The following MGAT4C variants were observed in gnomAD, a reference collection of about 807,000 sequenced individuals.
MGAT4C encodes the protein alpha-1,3-mannosyl-glycoprotein 4-beta-N-acetylglucosaminyltransferase C.
MGAT4C carries 19 observed loss-of-function variants against 40.1 expected under a neutral mutation model. That is an observed-to-expected ratio of 0.47 (90% CI 0.33 to 0.70). MGAT4C has a LOEUF of 0.70. Among genes scored for constraint, MGAT4C ranks in the 30% least tolerant of loss-of-function variants. MGAT4C has a pLI of 0.02. For missense variants in MGAT4C, 491 were observed against 563.2 expected, an observed-to-expected ratio of 0.87 and a Z score of 1.30; for synonymous variants, 181 against 187.1, an observed-to-expected ratio of 0.97 and a Z score of 0.27.
chr12:86,054,833 T>C (rs1051559760), intron 1 of MGAT4C, among the ~76,000 whole-genome samples: 1 of 151,912 alleles, frequency 6.6e-6, no homozygotes, highest in African/African-American at 2.4e-5. Context: ...CTCATTTGGA[T>C]GAAAATAATT....
chr12:86,780,952 C>T (rs1332015976), intron 1 of MGAT4C, among the ~76,000 whole-genome samples: 2 of 151,946 alleles, frequency 1.3e-5, no homozygotes, highest in Non-Finnish European at 2.9e-5. Context: ...AGGTAATGGC[C>T]TCCAATTCCA....
At position 86,207,254 on chromosome 12, in the gene MGAT4C, A is replaced by G. The variant is rs1044641121; in HGVS notation, c.-57+48985T>C. Among the ~76,000 whole-genome samples the G allele has an allele frequency of 5.3e-5, 8 of 152,042 alleles. No homozygotes were observed. The East Asian group carries it at 1.5e-3, about 29-fold the overall frequency. On this transcript the variant is annotated intron_variant, in intron 1 of 4. Transcript: ENST00000611864. ...TCGCATGCATCAAATGCCAAAGACT[A>G]TTTCCTTACACTCTGCTTTTTCTTT...
At chr12:86,623,930 C>A (rs1962718847) in intron 2 of MGAT4C, among the ~76,000 whole-genome samples, 1 of 152,098 alleles carries the variant, frequency 6.6e-6, no homozygotes, top group South Asian at 2.1e-4. Flanking sequence ...AGCAACCTAG[C>A]AGAAAATGGA....
At chr12:86,725,666 T>C (rs12823296) in intron 2 of MGAT4C, among the ~76,000 whole-genome samples, 1 of 152,208 alleles carries the variant, frequency 6.6e-6, no homozygotes, top group Non-Finnish European at 1.5e-5. Flanking sequence ...TTTCACCGTG[T>C]TGTCCAGGCT....
At chr12:86,680,735 T>A (rs1215112435) in intron 2 of MGAT4C, among the ~76,000 whole-genome samples, 2 of 152,024 alleles carry the variant, frequency 1.3e-5, no homozygotes, top group Non-Finnish European at 1.5e-5. Context: ...CGAAGGTAAA[T>A]CCATAACCAT....
chr12:85,957,045 G>T lies in MGAT4C; in HGVS notation c.*22244C>A, dbSNP rs1882830553. The T allele has an allele frequency of 6.6e-6, 1 of 152,122 alleles. No homozygotes were observed. The highest frequency in any genetic ancestry group is 2.4e-5 in the African/African-American group (1 of 41,430). The allele number at this position is 152,122 out of a possible 1,614,324, so 9.4% of individuals were successfully genotyped here. Reference sequence around the variant, plus strand: ...TGGACACATAAAATGAGAGTATGTAGATGCGAGCCCTTTGCTGCTGGCAAA... The same window carrying T: ...TGGACACATAAAATGAGAGTATGTATATGCGAGCCCTTTGCTGCTGGCAAA... On this transcript the variant is annotated 3_prime_UTR_variant, in exon 5 of 5. Transcript: ENST00000611864.
chr12:86,120,587 T>G (rs566266525), intron 1 of MGAT4C, among the ~76,000 whole-genome samples: 1 of 152,264 alleles, frequency 6.6e-6, no homozygotes, highest in African/African-American at 2.4e-5. Flanking sequence ...TCTGCAATAT[T>G]TGCTGTTCTG....
intron 2 of MGAT4C, among the ~76,000 whole-genome samples, chr12:86,584,493 A>T (rs1252524400): frequency 6.6e-6 from 1 of 151,094 alleles, no homozygotes; most frequent in Non-Finnish European, 1.5e-5. Flanking sequence ...ATGTTGCTCA[A>T]CCTAAATATT....
chr12:86,701,275 T>C (rs536171806), intron 2 of MGAT4C, among the ~76,000 whole-genome samples: 26 of 152,234 alleles, frequency 1.7e-4, no homozygotes, highest in African/African-American at 4.3e-4. Context: ...CAACCCTCCA[T>C]TGAACAATTC....
At chr12:86,788,263 C>T (rs1951967089) in intron 1 of MGAT4C, among the ~76,000 whole-genome samples, 1 of 150,046 alleles carries the variant, frequency 6.7e-6, no homozygotes, top group African/African-American at 2.4e-5. Context: ...AGTTAGCCTG[C>T]ATCTTTTATA....
intron 4 of MGAT4C, among the ~76,000 whole-genome samples, chr12:86,328,978 C>T (rs1025332500): frequency 7.9e-5 from 12 of 151,818 alleles, no homozygotes; most frequent in African/African-American, 2.7e-4. Context: ...TGGTGGGTGC[C>T]TGTAATCCCA....
intron 4 of MGAT4C, among the ~76,000 whole-genome samples, chr12:86,268,131 C>T (rs1952836702): frequency 6.6e-6 from 1 of 152,122 alleles, no homozygotes; most frequent in Admixed American, 6.5e-5. Flanking sequence ...AGAATGCTTT[C>T]ATCAGTCTTA....
At chr12:86,723,367 C>A (rs1431708374) in intron 2 of MGAT4C, among the ~76,000 whole-genome samples, 1 of 152,090 alleles carries the variant, frequency 6.6e-6, no homozygotes, top group Non-Finnish European at 1.5e-5. Context: ...TGGCTAAGAA[C>A]ATCAGAAATT....
rs145121081 is a variant in MGAT4C at position 86,179,157 on chromosome 12, A to G, written c.-57+77082T>C. ...GTGCTATTCTAGTGATACTGAATAC[A>G]TCTCATGAGATCTGATGGGTTTATC... On this transcript the variant is annotated intron_variant, in intron 1 of 4. Transcript: ENST00000611864. Among the ~76,000 whole-genome samples the G allele has an allele frequency of 5.2e-3, 791 of 152,266 alleles. 7 individuals carry two copies. The highest frequency in any genetic ancestry group is 0.018 in the African/African-American group (753 of 41,558).
intron 1 of MGAT4C, among the ~76,000 whole-genome samples, chr12:86,783,760 A>G (rs537739099): frequency 1.6e-4 from 24 of 152,246 alleles, no homozygotes; most frequent in African/African-American, 5.5e-4. Context: ...TGTGAAAAAA[A>G]TTTTTGGTAC....
At position 86,458,015 on chromosome 12, in the gene MGAT4C, T is replaced by A. The variant is rs190645069; in HGVS notation, c.-228-22750A>T. On this transcript the variant is annotated intron_variant, in intron 2 of 7. Coordinates refer to the MGAT4C transcript ENST00000548651. ...AAGTCAGAGAATCATAAATTAAAAC[T>A]TTTTTGTCAATACAAAACAAAAAGT... is the stretch of plus-strand genomic sequence containing the variant. Among the ~76,000 whole-genome samples the A allele has an allele frequency of 3.6e-3, 545 of 152,122 alleles. 2 individuals are homozygous for A. The highest frequency in any genetic ancestry group is 5.9e-3 in the Admixed American group (90 of 15,278).
chr12:86,818,552 G>A (rs1218184086), intron 1 of MGAT4C, among the ~76,000 whole-genome samples: 1 of 150,782 alleles, frequency 6.6e-6, no homozygotes, highest in East Asian at 1.9e-4. Context: ...AGGTAATTAA[G>A]GTGATTCTAG....
chr12:86,592,183 A>G (rs1479215873), intron 2 of MGAT4C, among the ~76,000 whole-genome samples: 1 of 152,146 alleles, frequency 6.6e-6, no homozygotes, highest in Non-Finnish European at 1.5e-5. Flanking sequence ...ATTGAACCAA[A>G]TCAAGTATGG....
intron 2 of MGAT4C, among the ~76,000 whole-genome samples, chr12:86,628,368 CA>C (rs1962893493): frequency 1.3e-5 from 2 of 151,988 alleles, no homozygotes; most frequent in South Asian, 4.2e-4. Context: ...CAAGTCAGGC[CA>C]CATTCAAATT....
Sources: gnomAD v4.1 joint callset for allele counts (sites outside exome capture counted in the v4.1 genomes callset) on GRCh38, gnomAD v4.1.1 for gene constraint, MANE v1.5 for transcripts, NCBI Gene and HGNC (gene_info 2026-07-23, HGNC 2026-07-21) for gene names.